Variants in KCNJ3 observed in about 807,000 individuals in gnomAD.
KCNJ3 encodes potassium inwardly rectifying channel subfamily J member 3.
KCNJ3 carries 4 observed loss-of-function variants against 39.2 expected under a neutral mutation model. The ratio of observed to expected loss-of-function variants is 0.10; its 90% CI spans 0.05 to 0.23. The LOEUF is 0.23. KCNJ3 is among the 10% of genes least tolerant of loss of function. The probability of loss-of-function intolerance (pLI) is 1.00; values close to 1 mark genes in which losing one functional copy is unlikely to be tolerated. For missense variants in KCNJ3, 276 were observed against 634.9 expected, an observed-to-expected ratio of 0.43 and a Z score of 6.08; for synonymous variants, 230 against 237.4, an observed-to-expected ratio of 0.97 and a Z score of 0.29.
rs67902767 is a variant in KCNJ3, at chr2:154,856,339, C to T, written c.*1026C>T. 6.6e-6 allele frequency: 1 copy of T among 152,536 alleles called. No individual in the cohort carries two copies. Among genetic ancestry groups the T allele is most frequent in the African/African-American group, 2.4e-5 (1 of 41,438 alleles). 9.4% of individuals were successfully genotyped at this position (152,536 alleles called of 1,614,324 possible). The stretch of plus-strand genomic sequence containing the variant: ...CACAATTAATTGTCCCTGTTTCAAA[C>T]TGAGTAAATTGGAAACATTTTCTTT... On this transcript the variant is annotated 3_prime_UTR_variant, in exon 3 of 3. Transcript: ENST00000295101.
At chr2:154,775,335 T>A (rs545109423) in intron 2 of KCNJ3, among the ~76,000 whole-genome samples, 1 of 152,272 alleles carries the variant, frequency 6.6e-6, no homozygotes, top group South Asian at 2.1e-4. Context: ...TAAAAAAAAA[T>A]CATTTCAAAG....
rs200466146 is a variant in KCNJ3, at chr2:154,816,210, A to G, written c.920-38517A>G. On this transcript the variant is annotated intron_variant, in intron 2 of 2. Coordinates refer to ENST00000295101, the MANE Select transcript of KCNJ3 (RefSeq NM_002239.4). Reference sequence around the variant, plus strand: ...TCAAACAGTTAAAAAATTTTATAAAAGTAGCTGCAGTAAGTGAGTTAAAAA... The same window carrying G: ...TCAAACAGTTAAAAAATTTTATAAAGGTAGCTGCAGTAAGTGAGTTAAAAA... Among the ~76,000 whole-genome samples, 13 of 152,344 alleles carry G rather than the reference A, an allele frequency of 8.5e-5. No homozygotes were observed. The East Asian group carries it at 1.5e-3, about 18-fold the overall frequency.
chr2:154,853,291 A>G (rs1687786427), intron 2 of KCNJ3, among the ~76,000 whole-genome samples: 1 of 152,154 alleles, frequency 6.6e-6, no homozygotes, highest in Non-Finnish European at 1.5e-5. Flanking sequence ...TTGGTAATAT[A>G]TAACAGAATA....
intron 2 of KCNJ3, among the ~76,000 whole-genome samples, chr2:154,810,834 C>CTG (rs3058183): frequency 0.87 from 131,603 of 152,078 alleles, 57,053 homozygotes; most frequent in East Asian, 1. Context: ...TGGCTAAAGA[C>CTG]ATATCTAAAT....
At chr2:154,784,563 A>T (rs888522785) in intron 2 of KCNJ3, among the ~76,000 whole-genome samples, 6 of 152,108 alleles carry the variant, frequency 3.9e-5, no homozygotes, top group African/African-American at 1.4e-4. Context: ...TTATATTTTT[A>T]GTAGAGACAG....
At chr2:154,797,743 A>G (rs1377516801) in intron 2 of KCNJ3, among the ~76,000 whole-genome samples, 1 of 152,096 alleles carries the variant, frequency 6.6e-6, no homozygotes, top group Non-Finnish European at 1.5e-5. Context: ...CTTCCTATAT[A>G]AAATATTTTA....
intron 2 of KCNJ3, among the ~76,000 whole-genome samples, chr2:154,826,889 T>C (rs1687281673): frequency 6.6e-6 from 1 of 152,198 alleles, no homozygotes; most frequent in Admixed American, 6.5e-5. Flanking sequence ...GCAGGTACAC[T>C]TCATTTATCA....
intron 2 of KCNJ3, among the ~76,000 whole-genome samples, chr2:154,785,990 C>T (rs192272191): frequency 6.6e-6 from 1 of 152,252 alleles, no homozygotes; most frequent in Admixed American, 6.5e-5. Context: ...ATTTTAAGAC[C>T]TGTGACTAAA....
chr2:154,733,580 T>G (rs1685478667), intron 2 of KCNJ3, among the ~76,000 whole-genome samples: 1 of 152,186 alleles, frequency 6.6e-6, no homozygotes. Context: ...AATAGAAATG[T>G]CTATGAAAAA....
Position 154,746,443 on chromosome 2 carries a change from TA to T in KCNJ3, c.919+36627del, listed in dbSNP as rs371426964. 2.0e-4 allele frequency among the ~76,000 whole-genome samples: 31 copies of T among 151,750 alleles called. No individual in the cohort carries two copies. In the South Asian group the frequency reaches 6.2e-3, roughly 30 times the overall value. ...ATTACTTATAATACCTAGTATAAAATAAAGGCAATGTAAATAGGTGTTATAC... is the reference window on the plus strand; with the variant it reads ...ATTACTTATAATACCTAGTATAAAATAAGGCAATGTAAATAGGTGTTATAC... On this transcript the variant is annotated intron_variant, in intron 2 of 2. Coordinates refer to ENST00000295101, the MANE Select transcript of KCNJ3 (RefSeq NM_002239.4).
chr2:154,811,522 G>A (rs1236970170), intron 2 of KCNJ3, among the ~76,000 whole-genome samples: 1 of 152,100 alleles, frequency 6.6e-6, no homozygotes, highest in African/African-American at 2.4e-5. Context: ...TCGAACTCCT[G>A]ACCTTGTGAT....
intron 2 of KCNJ3, among the ~76,000 whole-genome samples, chr2:154,846,445 A>G (rs184138434): frequency 6.6e-6 from 1 of 152,278 alleles, no homozygotes; most frequent in East Asian, 1.9e-4. Context: ...AGGCCCATAA[A>G]TAGGTTATAT....
intron 2 of KCNJ3, among the ~76,000 whole-genome samples, chr2:154,822,558 G>A (rs1190310477): frequency 6.6e-6 from 1 of 152,132 alleles, no homozygotes; most frequent in African/African-American, 2.4e-5. Flanking sequence ...TTTAGTTAAT[G>A]TAGTTGGCAC....
intron 2 of KCNJ3, among the ~76,000 whole-genome samples, chr2:154,753,747 A>G (rs1193742973): frequency 6.6e-6 from 1 of 152,208 alleles, no homozygotes; most frequent in African/African-American, 2.4e-5. Flanking sequence ...GATTTTAAAC[A>G]TCATTCAGAA....
chr2:154,712,646 G>T (rs1163596250), intron 2 of KCNJ3, among the ~76,000 whole-genome samples: 1 of 152,138 alleles, frequency 6.6e-6, no homozygotes, highest in African/African-American at 2.4e-5. Context: ...GGAGGTGGCA[G>T]ACTATAACAG....
intron 2 of KCNJ3, among the ~76,000 whole-genome samples, chr2:154,801,914 A>G (rs749423457): frequency 2.0e-5 from 3 of 152,198 alleles, no homozygotes; most frequent in Admixed American, 6.5e-5. Context: ...GGCGTGAGCC[A>G]CTGCAACTGG....
chr2:154,736,299 A>C (rs979520511), intron 2 of KCNJ3, among the ~76,000 whole-genome samples: 18 of 147,702 alleles, frequency 1.2e-4, no homozygotes, highest in African/African-American at 4.5e-4. Context: ...CACTCAAGGA[A>C]ACAGAATTAT....
chr2:154,767,985 C>A (rs1686165698), intron 2 of KCNJ3, among the ~76,000 whole-genome samples: 1 of 152,180 alleles, frequency 6.6e-6, no homozygotes, highest in African/African-American at 2.4e-5. Flanking sequence ...TAAATGTCTT[C>A]TTTTGAGAAT....
chr2:154,757,852 A>G (rs1449835801), intron 2 of KCNJ3, among the ~76,000 whole-genome samples: 1 of 152,090 alleles, frequency 6.6e-6, no homozygotes, highest in Non-Finnish European at 1.5e-5. Flanking sequence ...CTCTTTTATA[A>G]GGGTACTAAT....
Sources: allele counts gnomAD v4.1 joint callset (sites outside exome capture counted in the v4.1 genomes callset), GRCh38; gene constraint gnomAD v4.1.1; transcripts MANE v1.5; gene names NCBI Gene and HGNC (gene_info 2026-07-23, HGNC 2026-07-21).